The following HIF1A variants were observed in gnomAD, a reference collection of about 807,000 sequenced individuals.
HIF1A encodes the protein hypoxia inducible factor 1 subunit alpha.
Under a neutral mutation model 92.7 loss-of-function variants are expected in HIF1A, and 24 were observed. The observed-to-expected ratio is 0.26, with a 90% CI of 0.19 to 0.36. The LOEUF is 0.36. Among genes scored for constraint, HIF1A ranks in the 10% least tolerant of loss-of-function variants. HIF1A has a pLI of 1.00. For synonymous variants in HIF1A, 319 were observed against 338.7 expected, an observed-to-expected ratio of 0.94 and a Z score of 0.64; for missense variants, 799 against 998.5, an observed-to-expected ratio of 0.80 and a Z score of 2.69.
At position 61,695,749 on chromosome 14, in the gene HIF1A, G is replaced by A. The variant is rs1044256661; in HGVS notation, c.-56G>A. On this transcript the variant is annotated 5_prime_UTR_variant, in exon 1 of 15. Transcript: ENST00000337138. Reference sequence around the variant, plus strand: ...GCGTGTGGAGGGAGCCAGCGCTTAGGCCGGAGCGAGCCTGGGGGCCGCCCG... The same window carrying A: ...GCGTGTGGAGGGAGCCAGCGCTTAGACCGGAGCGAGCCTGGGGGCCGCCCG... The A allele has an allele frequency of 3.9e-6, 6 of 1,556,794 alleles. No homozygotes were observed. The African/African-American group carries it at 5.4e-5, about 14-fold the overall frequency.
chr14:61,740,897 T>C lies in HIF1A; in HGVS notation c.1802T>C (p.Val601Ala). 1 of 1,614,170 alleles carries C rather than the reference T, an allele frequency of 6.2e-7. No homozygotes were observed. Among genetic ancestry groups the C allele is most frequent in the Non-Finnish European group, 8.5e-7 (1 of 1,180,044 alleles). Residue 601 changes from valine (V) to alanine (A), a missense_variant, in exon 12 of 15, where the codon GTA becomes GCA. Physicochemically the swap from Val to Ala is moderately conservative, Grantham distance 64 (BLOSUM62 0). This residue lies in a region of HIF1A where 283 missense variants were observed against 277.5 expected (regional missense o/e 1.02). Coordinates refer to ENST00000337138, the MANE Select transcript of HIF1A (RefSeq NM_001530.4). Reference protein sequence around the residue: ...ESASPQSTVTVFQQTQIQEPT... With the variant: ...ESASPQSTVTAFQQTQIQEPT... ...GCAAGTCCTCAAAGCACAGTTACAG[T>C]ATTCCAGCAGACTCAAATACAAGAA...
In HIF1A at chr14:61,732,589, T is replaced by G. The variant is rs896310265; in HGVS notation, c.880+65T>G. The G allele has an allele frequency of 1.4e-5, 13 of 960,710 alleles. No homozygotes were observed. The African/African-American group carries it at 2.1e-4, about 16-fold the overall frequency. 59.5% of individuals were successfully genotyped at this position (960,710 alleles called of 1,614,324 possible). ...TAACTGTTGCAACCTCTGTACAGTT[T>G]GGCTACCCATCTAATTCTCTGGTTA... is the stretch of plus-strand genomic sequence containing the variant. On this transcript the variant is annotated intron_variant, in intron 7 of 14. Transcript: ENST00000337138.
chr14:61,726,244 AAT>A (rs1296968606), intron 4 of HIF1A, among the ~76,000 whole-genome samples: 5 of 152,044 alleles, frequency 3.3e-5, no homozygotes, highest in African/African-American at 4.8e-5. Context: ...GATACGTAAA[AAT>A]GTTATTTGTT....
intron 1 of HIF1A, among the ~76,000 whole-genome samples, chr14:61,712,872 CTT>C (rs1271312030): frequency 6.7e-6 from 1 of 149,526 alleles, no homozygotes; most frequent in African/African-American, 2.5e-5. Flanking sequence ...CCCCAAGAAT[CTT>C]TAAGCATTGT....
At chr14:61,717,630 C>T (rs1361730386) in intron 1 of HIF1A, among the ~76,000 whole-genome samples, 1 of 152,118 alleles carries the variant, frequency 6.6e-6, no homozygotes, top group African/African-American at 2.4e-5. Flanking sequence ...GTCTTAGACA[C>T]TTATTGCCAC....
intron 13 of HIF1A, 50 bp from the exon 14 acceptor site, chr14:61,745,641 T>C (rs1566579754): frequency 1.4e-6 from 2 of 1,434,092 alleles, no homozygotes; most frequent in African/African-American, 2.9e-5. Context: ...TTTGGTTGTT[T>C]AAAAAAAAAA....
chr14:61,701,471 A>T lies in HIF1A; in HGVS notation c.35+5632A>T, dbSNP rs561327234. On this transcript the variant is annotated intron_variant, in intron 1 of 14. Transcript: ENST00000337138. The stretch of plus-strand genomic sequence containing the variant: ...CCGTGTTTCCCCCTTTTTTTTTTCC[A>T]AGTAGTTTGGGAGGATTTGTTTTTC... Among the ~76,000 whole-genome samples the T allele has an allele frequency of 7.9e-5, 12 of 151,178 alleles. No homozygotes were observed. The East Asian group carries it at 1.4e-3, about 17-fold the overall frequency.
At chr14:61,736,851 G>A (rs1253293487) in intron 8 of HIF1A, 38 bp from the exon 9 acceptor site, 2 of 1,400,622 alleles carry the variant, frequency 1.4e-6, no homozygotes, top group Non-Finnish European at 1.0e-6. Flanking sequence ...TGTATCAAGT[G>A]CTCATTTGTG....
At chr14:61,728,322 T>C (rs2044533402) in intron 6 of HIF1A, among the ~76,000 whole-genome samples, 1 of 152,222 alleles carries the variant, frequency 6.6e-6, no homozygotes, top group Admixed American at 6.5e-5. Flanking sequence ...CATCTCTTCA[T>C]CCTACATATT....
chr14:61,737,958 CAG>C (rs558402456), intron 9 of HIF1A, 127 bp from the exon 10 acceptor site: 423 of 643,054 alleles, frequency 6.6e-4, no homozygotes, highest in Non-Finnish European at 9.4e-4. Context: ...ACCTGGGAGG[CAG>C]AGGTTGCAGT....
chr14:61,713,872 A>G (rs528312581), intron 1 of HIF1A, among the ~76,000 whole-genome samples: 1 of 152,242 alleles, frequency 6.6e-6, no homozygotes, highest in African/African-American at 2.4e-5. Context: ...GTCTCCAGGT[A>G]GATAGTGTTA....
intron 12 of HIF1A, 64 bp downstream of exon 12, chr14:61,741,252 G>C (rs1400774873): frequency 9.4e-6 from 11 of 1,165,876 alleles, no homozygotes; most frequent in Non-Finnish European, 1.3e-5. Context: ...GTATGTGATA[G>C]TACATGATTT....
At chr14:61,737,962 G>T in intron 9 of HIF1A, 125 bp from the exon 10 acceptor site, 1 of 674,668 alleles carries the variant, frequency 1.5e-6, no homozygotes, top group Non-Finnish European at 2.4e-6. Flanking sequence ...GGGAGGCAGA[G>T]GTTGCAGTGA....
chr14:61,730,973 A>G (rs755015918), intron 6 of HIF1A, among the ~76,000 whole-genome samples: 2 of 152,178 alleles, frequency 1.3e-5, no homozygotes, highest in African/African-American at 2.4e-5. Flanking sequence ...TGCTGTGTTT[A>G]GAGATGTCCC....
At chr14:61,705,834 T>C (rs1594858300) in intron 1 of HIF1A, among the ~76,000 whole-genome samples, 1 of 152,292 alleles carries the variant, frequency 6.6e-6, no homozygotes, top group Non-Finnish European at 1.5e-5. Context: ...GACTCTTGCT[T>C]TAGGAGAGCT....
chr14:61,743,122 T>C (rs944214523), intron 12 of HIF1A, among the ~76,000 whole-genome samples: 13 of 152,098 alleles, frequency 8.5e-5, no homozygotes, highest in African/African-American at 2.9e-4. Context: ...TGGAGTGCAA[T>C]GGCGTGATCT....
chr14:61,732,545 CAG>C lies in HIF1A; in HGVS notation c.880+25_880+26del, dbSNP rs755935407. 4.7e-5 allele frequency: 64 copies of C among 1,376,134 alleles called. No individual in the cohort carries two copies. The Middle Eastern group carries it at 5.3e-4, about 11-fold the overall frequency. 85.2% of individuals were successfully genotyped at this position (1,376,134 alleles called of 1,614,324 possible). A position where few individuals can be genotyped will look rare whatever the true frequency, so the allele number is the denominator to read the frequency against. Reference sequence around the variant, plus strand: ...TGATAGTAAGTACAATGGAAGAACTCAGAGATATTCTAATTACTTAACTGTTG... The same window carrying C: ...TGATAGTAAGTACAATGGAAGAACTCAGATATTCTAATTACTTAACTGTTG... On this transcript the variant is annotated intron_variant, in intron 7 of 14. Transcript: ENST00000337138.
At chr14:61,696,477 T>C (rs1001602731) in intron 1 of HIF1A, among the ~76,000 whole-genome samples, 4 of 152,236 alleles carry the variant, frequency 2.6e-5, no homozygotes, top group African/African-American at 9.6e-5. Context: ...TGCGAACTTT[T>C]TAGTTTGCAC....
At chr14:61,701,754 G>A (rs1326631475) in intron 1 of HIF1A, among the ~76,000 whole-genome samples, 1 of 152,130 alleles carries the variant, frequency 6.6e-6, no homozygotes, top group Non-Finnish European at 1.5e-5. Flanking sequence ...TTGGGATGCC[G>A]AGGTGGGTGG....
Sources: gnomAD v4.1 joint callset for allele counts (sites outside exome capture counted in the v4.1 genomes callset) on GRCh38, gnomAD v4.1.1 for gene constraint, gnomAD v4.1.1 regional missense constraint, MANE v1.5 for transcripts, NCBI Gene and HGNC (gene_info 2026-07-23, HGNC 2026-07-21) for gene names.